RALGAPA2: variants seen among roughly 807,000 people sequenced by gnomAD.
The protein encoded by RALGAPA2 is Ral GTPase activating protein catalytic subunit alpha 2.
In RALGAPA2, 139 loss-of-function variants were observed where a neutral mutation model predicts 230.4. The ratio of observed to expected loss-of-function variants is 0.60; its 90% CI spans 0.53 to 0.69. The LOEUF (loss-of-function observed/expected upper bound fraction) is 0.69. Ranked by LOEUF, RALGAPA2 falls within the 30% of genes least tolerant of loss-of-function variation. The pLI, the probability that RALGAPA2 is intolerant of heterozygous loss-of-function variation, is 0.00. For synonymous variants in RALGAPA2, 847 were observed against 837.8 expected, an observed-to-expected ratio of 1.01 and a Z score of -0.19; for missense variants, 2,163 against 2,276.0, an observed-to-expected ratio of 0.95 and a Z score of 1.01.
intron 36 of RALGAPA2, among the ~76,000 whole-genome samples, chr20:20,476,440 A>G (rs978415745): frequency 3.3e-5 from 5 of 152,176 alleles, no homozygotes; most frequent in African/African-American, 9.6e-5. Context: ...TAAAGGCAGC[A>G]TATCAGTTTG....
At chr20:20,426,650 C>T (rs932475692) in intron 37 of RALGAPA2, among the ~76,000 whole-genome samples, 1 of 152,146 alleles carries the variant, frequency 6.6e-6, no homozygotes, top group South Asian at 2.1e-4. Flanking sequence ...GTTCAGGCAT[C>T]GTCACTGACA....
At chr20:20,524,672 A>G (rs2145485344) in intron 29 of RALGAPA2, 129 bp from the exon 30 acceptor site, 16 of 1,234,080 alleles carry the variant, frequency 1.3e-5, no homozygotes, top group South Asian at 1.6e-5. Context: ...AGGTAAGTAA[A>G]TAAATAAATA....
At chr20:20,525,682 G>C (rs1221987622) in intron 28 of RALGAPA2, among the ~76,000 whole-genome samples, 1 of 152,200 alleles carries the variant, frequency 6.6e-6, no homozygotes, top group Non-Finnish European at 1.5e-5. Flanking sequence ...GAAGCTGCCT[G>C]CTTGTGTACA....
chr20:20,600,717 G>A (rs909654260), intron 16 of RALGAPA2, among the ~76,000 whole-genome samples: 3 of 152,318 alleles, frequency 2.0e-5, no homozygotes, highest in Admixed American at 6.5e-5. Context: ...TAAGTTACAG[G>A]CTCAAAGTCA....
At chr20:20,445,976 A>G (rs2060852094) in intron 37 of RALGAPA2, among the ~76,000 whole-genome samples, 1 of 152,076 alleles carries the variant, frequency 6.6e-6, no homozygotes, top group Non-Finnish European at 1.5e-5. Context: ...TAATGACTGA[A>G]TTTACAAACA....
At chr20:20,645,191 T>C (rs1005357521) in intron 4 of RALGAPA2, among the ~76,000 whole-genome samples, 1 of 139,502 alleles carries the variant, frequency 7.2e-6, no homozygotes, top group African/African-American at 2.6e-5. Context: ...CTCGGCTCAC[T>C]GCAACCTCCA....
chr20:20,442,547 A>C (rs1171152412), intron 37 of RALGAPA2, among the ~76,000 whole-genome samples: 1 of 152,270 alleles, frequency 6.6e-6, no homozygotes, highest in Non-Finnish European at 1.5e-5. Context: ...CATGGATTGT[A>C]ATCAGACATC....
intron 23 of RALGAPA2, among the ~76,000 whole-genome samples, chr20:20,561,446 C>T (rs1182513481): frequency 6.6e-6 from 1 of 152,342 alleles, no homozygotes; most frequent in East Asian, 1.9e-4. Context: ...TTTGCAGATG[C>T]AGGCCACACA....
intron 23 of RALGAPA2, among the ~76,000 whole-genome samples, chr20:20,552,283 T>C (rs1261451923): frequency 6.6e-6 from 1 of 152,156 alleles, no homozygotes; most frequent in African/African-American, 2.4e-5. Context: ...TGCGCCTGCT[T>C]CTCAAGAGCA....
chr20:20,507,258 C>A (rs1385981308), intron 33 of RALGAPA2, among the ~76,000 whole-genome samples: 1 of 152,138 alleles, frequency 6.6e-6, no homozygotes, highest in African/African-American at 2.4e-5. Flanking sequence ...TGGCCCAAAT[C>A]TTCATTTAGG....
intron 36 of RALGAPA2, among the ~76,000 whole-genome samples, chr20:20,484,990 G>T (rs2061872521): frequency 6.6e-6 from 1 of 152,098 alleles, no homozygotes. Flanking sequence ...TGCGGCCCTG[G>T]ATGACTTTGA....
intron 38 of RALGAPA2, among the ~76,000 whole-genome samples, chr20:20,409,933 G>A (rs182189355): frequency 1.1e-4 from 17 of 152,282 alleles, no homozygotes; most frequent in African/African-American, 3.1e-4. Flanking sequence ...CATGATAGAC[G>A]TATAAAAATG....
chr20:20,462,642 G>A (rs117358758), intron 37 of RALGAPA2, among the ~76,000 whole-genome samples: 371 of 152,218 alleles, frequency 2.4e-3, no homozygotes, highest in Non-Finnish European at 3.8e-3. Flanking sequence ...CATTTGGGTC[G>A]TACTCACCCC....
intron 37 of RALGAPA2, among the ~76,000 whole-genome samples, chr20:20,421,759 C>T (rs2060279999): frequency 6.6e-6 from 1 of 152,104 alleles, no homozygotes; most frequent in Non-Finnish European, 1.5e-5. Flanking sequence ...ACATATTATC[C>T]AGCAATTCTA....
intron 3 of RALGAPA2, among the ~76,000 whole-genome samples, chr20:20,655,628 G>T (rs2067562546): frequency 6.6e-6 from 1 of 152,118 alleles, no homozygotes; most frequent in African/African-American, 2.4e-5. Context: ...AGGCGAGGCT[G>T]GGGGCTTAAT....
intron 37 of RALGAPA2, among the ~76,000 whole-genome samples, chr20:20,462,696 T>C (rs962815518): frequency 1.3e-5 from 2 of 152,172 alleles, no homozygotes; most frequent in African/African-American, 4.8e-5. Context: ...AAAATTTACT[T>C]GAGTGTGTTG....
intron 12 of RALGAPA2, among the ~76,000 whole-genome samples, chr20:20,616,531 A>G (rs2066147042): frequency 6.6e-6 from 1 of 152,202 alleles, no homozygotes; most frequent in South Asian, 2.1e-4. Flanking sequence ...AAAACAAGGG[A>G]AAAAAGTAGG....
intron 23 of RALGAPA2, among the ~76,000 whole-genome samples, chr20:20,551,900 G>C (rs1255273716): frequency 6.6e-6 from 1 of 152,110 alleles, no homozygotes; most frequent in Non-Finnish European, 1.5e-5. Flanking sequence ...ATTCGTTCTG[G>C]AAGCATTTCC....
chr20:20,455,721 A>G (rs1319743498), intron 37 of RALGAPA2, among the ~76,000 whole-genome samples: 1 of 152,122 alleles, frequency 6.6e-6, no homozygotes, highest in Non-Finnish European at 1.5e-5. Context: ...TCCCCACTAA[A>G]AGCTGATGCC....
Sources: allele counts gnomAD v4.1 joint callset (sites outside exome capture counted in the v4.1 genomes callset), GRCh38; gene constraint gnomAD v4.1.1; transcripts MANE v1.5; gene names NCBI Gene and HGNC (gene_info 2026-07-23, HGNC 2026-07-21).